The following PDHB variants were observed in gnomAD, a reference collection of about 807,000 sequenced individuals.
The protein encoded by PDHB is pyruvate dehydrogenase E1 component subunit beta, mitochondrial.
Under a neutral mutation model 42.8 loss-of-function variants are expected in PDHB, and 17 were observed. That is an observed-to-expected ratio of 0.40 (90% CI 0.27 to 0.60). The LOEUF (loss-of-function observed/expected upper bound fraction) is 0.60, where lower values mean the gene tolerates loss of function less well. Among genes scored for constraint, PDHB ranks in the 20% least tolerant of loss-of-function variants. The pLI is 0.46. For synonymous variants in PDHB, 154 were observed against 148.7 expected (o/e 1.04, Z -0.26); for missense variants, 322 against 451.3 (o/e 0.71, Z 2.60).
At position 58,433,822 on chromosome 3, in the gene PDHB, C is replaced by A; in HGVS notation, c.-13G>T. The A allele has an allele frequency of 6.2e-7, 1 of 1,608,914 alleles. No individual in the cohort carries two copies. Among genetic ancestry groups the A allele is most frequent in the Non-Finnish European group, 8.5e-7 (1 of 1,178,376 alleles). ...ACACCGCCGCCATCTTGGTCGTGTC[C>A]TCTATCCGCTGCCAAACGACAACAG... On this transcript the variant is annotated 5_prime_UTR_variant, in exon 1 of 10. It adds an upstream start codon to the 5' untranslated region. Transcript: ENST00000302746.
rs1488121736 is a variant in PDHB at position 58,431,915 on chromosome 3, G to A, written c.166C>T (p.Leu56Phe). 5 of 1,613,834 alleles carry A rather than the reference G, an allele frequency of 3.1e-6. No individual in the cohort carries two copies. The South Asian group carries it at 3.3e-5, about 11-fold the overall frequency. The change falls in exon 3 of 10, where the codon CTT (leucine) becomes TTT (phenylalanine). Residue 56 changes from leucine to phenylalanine, a missense_variant. Leu to Phe is a conservative substitution (Grantham distance 22). Around this residue, in one of 3 missense-constraint regions of PDHB, gnomAD observed 56 missense variants for 124.2 expected, o/e 0.45. Coordinates refer to ENST00000302746, the MANE Select transcript of PDHB (RefSeq NM_000925.4). The surrounding 1 kb of genome is among the most constrained non-coding windows in gnomAD (Gnocchi z 4.4). ...ELERDEKVFL[L>F]GEEVAQYDGA... ...TCATACTGGGCAACTTCTTCTCCAA[G>A]CAGAAATACCTTCTCATCTCTTTCC...
In PDHB at chr3:58,433,675, G is replaced by A. The variant is rs534688111; in HGVS notation, c.52C>T (p.Leu18=). ...GTCCAGTGAAAGCGCCTCTTCAGCA[G>A]CCCGGAGACCTGGCAGGGAGAGAGG... ...VRRPLREVSG[L]LKRRFHWTAP... is the part of the protein sequence containing the mutation. Residue 18 remains leucine, a synonymous_variant, in exon 2 of 10, where the codon CTG becomes TTG. Coordinates refer to ENST00000302746, the MANE Select transcript of PDHB (RefSeq NM_000925.4). 5.0e-6 allele frequency: 8 copies of A among 1,612,862 alleles called. No individual in the cohort carries two copies. The East Asian group carries it at 1.6e-4, about 31-fold the overall frequency.
rs1218328674 is a variant in PDHB at position 58,431,263 on chromosome 3, T to G, written c.304-321A>C. On this transcript the variant is annotated intron_variant, in intron 5 of 9. Transcript: ENST00000302746. This position sits in a 1 kb window ranked among gnomAD's most constrained non-coding sequence, Gnocchi z 4.4. ...TTTTAAAAGGTGATGTTAAATCTCT[T>G]TGGGGATGGGCACAGTGGCTCACGC... 23 of 460,024 alleles carry G rather than the reference T, an allele frequency of 5.0e-5. No homozygotes were observed. The East Asian group carries it at 9.9e-4, about 20-fold the overall frequency. 28.5% of individuals were successfully genotyped at this position (460,024 alleles called of 1,614,324 possible).
intron 6 of PDHB, 131 bp from the exon 7 acceptor site, chr3:58,430,369 G>GC: frequency 1.4e-6 from 1 of 702,136 alleles, no homozygotes; most frequent in Non-Finnish European, 2.4e-6. Context: ...ACCATGACCA[G>GC]CAGCCTTGAG....
rs958286735 is a variant in PDHB, at chr3:58,431,418, G to A, written c.303+175C>T. 10 of 634,794 alleles carry A rather than the reference G, an allele frequency of 1.6e-5. No individual in the cohort carries two copies. The highest frequency in any genetic ancestry group is 8.3e-5 in the East Asian group (3 of 36,134). The allele number at this position is 634,794 out of a possible 1,614,324, so 39.3% of individuals were successfully genotyped here. ...ACAAAAATTGGCTAGGCACAGTGGC[G>A]CGACCTGTAACCCCAGCCACTATGG... On this transcript the variant is annotated intron_variant, in intron 5 of 9. Coordinates refer to ENST00000302746, the MANE Select transcript of PDHB (RefSeq NM_000925.4). The surrounding 1 kb of genome is among the most constrained non-coding windows in gnomAD (Gnocchi z 4.4).
In PDHB at chr3:58,430,907, G is replaced by A. The variant is rs966055156; in HGVS notation, c.339C>T (p.Phe113=). ...GGTCAATGGCTTGCATGGAGAAATT[G>A]AAGGTCATAAATTCACAAATGGGCC... The part of the protein sequence containing the change: ...GLRPICEFMT[F]NFSMQAIDQV... Residue 113 remains phenylalanine, a synonymous_variant, in exon 6 of 10, where the codon TTC becomes TTT. Coordinates refer to ENST00000302746, the MANE Select transcript of PDHB (RefSeq NM_000925.4). 6.2e-7 allele frequency: 1 copy of A among 1,614,196 alleles called. No homozygotes were observed. Among genetic ancestry groups the A allele is most frequent in the South Asian group, 1.1e-5 (1 of 91,092 alleles).
rs893694620 is a variant in PDHB at position 58,432,054 on chromosome 3, A to AT, written c.97-71dup. Reference sequence around the variant, plus strand: ...TTCAACTAAGATTTTCTTCCTTTATATTTACCTAGGCTGCCCACAGCATAC... The same window carrying AT: ...TTCAACTAAGATTTTCTTCCTTTATATTTTACCTAGGCTGCCCACAGCATAC... On this transcript the variant is annotated intron_variant, in intron 2 of 9. Transcript: ENST00000302746. 86 of 1,046,770 alleles carry AT rather than the reference A, an allele frequency of 8.2e-5. 1 individual carries two copies. Among genetic ancestry groups the AT allele is most frequent in the Middle Eastern group, 2.0e-4 (1 of 5,048 alleles). The allele number at this position is 1,046,770 out of a possible 1,614,324, so 64.8% of individuals were successfully genotyped here.
At position 58,431,829 on chromosome 3, in the gene PDHB, G is replaced by T. The variant is rs770308835; in HGVS notation, c.205-36C>A. The T allele has an allele frequency of 6.2e-7, 1 of 1,607,342 alleles. No homozygotes were observed. The highest frequency in any genetic ancestry group is 8.5e-7 in the Non-Finnish European group (1 of 1,173,902). On this transcript the variant is annotated intron_variant, in intron 3 of 9. Coordinates refer to ENST00000302746, the MANE Select transcript of PDHB (RefSeq NM_000925.4). The surrounding 1 kb of genome is among the most constrained non-coding windows in gnomAD (Gnocchi z 4.4). ...GAGTTGATCCCTTAAGTGTATCTGG[G>T]GGTAACAGTGACCTCAATTTTGTAT... is the stretch of plus-strand genomic sequence containing the variant.
At chr3:58,428,646 C>T (rs762854351) in intron 8 of PDHB, 32 bp from the exon 9 acceptor site, 1 of 1,590,686 alleles carries the variant, frequency 6.3e-7, no homozygotes, top group African/African-American at 1.3e-5. Context: ...GTTTACAGAG[C>T]TATTGCAGCA....
rs552159384 is a variant in PDHB, at chr3:58,433,649, G to A, written c.78C>T (p.Thr26=). 4 of 1,612,100 alleles carry A rather than the reference G, an allele frequency of 2.5e-6. No individual in the cohort carries two copies. Among genetic ancestry groups the A allele is most frequent in the Admixed American group, 3.3e-5 (2 of 59,856 alleles). ...SGLLKRRFHW[T]APAALQVTVR... ...CTGTTACCTGCAGCGCAGCCGGCGC[G>A]GTCCAGTGAAAGCGCCTCTTCAGCA... The change falls in exon 2 of 10, where the codon ACC becomes ACT. Residue 26 remains threonine (T), a synonymous_variant. Transcript: ENST00000302746.
intron 2 of PDHB, chr3:58,433,090 G>C (rs1190983295): frequency 5.7e-6 from 1 of 174,558 alleles, no homozygotes; most frequent in Non-Finnish European, 1.2e-5. Flanking sequence ...ACATTACGCT[G>C]AGATAAGCCA....
At position 58,431,118 on chromosome 3, in the gene PDHB, A is replaced by C; in HGVS notation, c.304-176T>G. 40 of 663,806 alleles carry C rather than the reference A, an allele frequency of 6.0e-5. No individual in the cohort carries two copies. The highest frequency in any genetic ancestry group is 6.6e-5 in the Non-Finnish European group (25 of 379,432). 41.1% of individuals were successfully genotyped at this position (663,806 alleles called of 1,614,324 possible). A position where few individuals can be genotyped will look rare whatever the true frequency, so the allele number is the denominator to read the frequency against. Reference sequence around the variant, plus strand: ...AGTGCAGTGGCACACATCATAGCTCACTGCAGCCTCTAACTCCTAGGCTCA... The same window carrying C: ...AGTGCAGTGGCACACATCATAGCTCCCTGCAGCCTCTAACTCCTAGGCTCA... On this transcript the variant is annotated intron_variant, in intron 5 of 9. Coordinates refer to ENST00000302746, the MANE Select transcript of PDHB (RefSeq NM_000925.4). The surrounding 1 kb of genome is among the most constrained non-coding windows in gnomAD (Gnocchi z 4.4).
In PDHB at chr3:58,432,080, A is replaced by C. The variant is rs2062925487; in HGVS notation, c.97-96T>G. 5 of 816,256 alleles carry C rather than the reference A, an allele frequency of 6.1e-6. No homozygotes were observed. In the South Asian group the frequency reaches 7.0e-5, roughly 11 times the overall value. 50.6% of individuals were successfully genotyped at this position (816,256 alleles called of 1,614,324 possible). A position where few individuals can be genotyped will look rare whatever the true frequency, so the allele number is the denominator to read the frequency against. On this transcript the variant is annotated intron_variant, in intron 2 of 9. Coordinates refer to ENST00000302746, the MANE Select transcript of PDHB (RefSeq NM_000925.4). The stretch of plus-strand genomic sequence containing the variant: ...TTTACCTAGGCTGCCCACAGCATAC[A>C]ATATAAAAACACTAGAACAAGCTTC...
Position 58,431,225 on chromosome 3 carries a change from TC to T in PDHB, c.304-284del. The stretch of plus-strand genomic sequence containing the variant: ...CTACCTACTTGGTATTTTTTTTTTT[TC>T]CCAAATGATGTTTTTAAAAGGTGAT... On this transcript the variant is annotated intron_variant, in intron 5 of 9. Transcript: ENST00000302746. The surrounding 1 kb of genome is among the most constrained non-coding windows in gnomAD (Gnocchi z 4.4). 2 of 480,572 alleles carry T rather than the reference TC, an allele frequency of 4.2e-6. No homozygotes were observed. The highest frequency in any genetic ancestry group is 7.5e-6 in the Non-Finnish European group (2 of 265,476). 29.8% of individuals were successfully genotyped at this position (480,572 alleles called of 1,614,324 possible).
intron 7 of PDHB, 109 bp downstream of exon 7, chr3:58,430,019 C>A: frequency 1.3e-6 from 1 of 762,192 alleles, no homozygotes; most frequent in Non-Finnish European, 2.3e-6. Context: ...ATCTTGAGCT[C>A]ATCCTATAAT....
Position 58,430,906 on chromosome 3 carries a change from T to C in PDHB, c.340A>G (p.Asn114Asp), listed in dbSNP as rs1462179549. 6.2e-7 allele frequency: 1 copy of C among 1,614,140 alleles called. No homozygotes were observed. Among genetic ancestry groups the C allele is most frequent in the Non-Finnish European group, 8.5e-7 (1 of 1,180,018 alleles). Residue 114 changes from asparagine to aspartate, a missense_variant, in exon 6 of 10, where the codon AAT becomes GAT. Physicochemically the swap from Asn to Asp is conservative, Grantham distance 23. Transcript: ENST00000302746. ...TGGTCAATGGCTTGCATGGAGAAAT[T>C]GAAGGTCATAAATTCACAAATGGGC... Reference protein sequence around the residue: ...LRPICEFMTFNFSMQAIDQVI... With the variant: ...LRPICEFMTFDFSMQAIDQVI...
At chr3:58,433,609 G>T in intron 2 of PDHB, 22 bp downstream of exon 2, 1 of 1,604,308 alleles carries the variant, frequency 6.2e-7, no homozygotes. Context: ...GCCCTCGTCC[G>T]ACGAGCACCC....
At chr3:58,428,206 G>C in intron 9 of PDHB, 27 bp from the exon 10 acceptor site, 4 of 1,611,430 alleles carry the variant, frequency 2.5e-6, no homozygotes, top group African/African-American at 1.3e-5. Flanking sequence ...TCAACTGAGA[G>C]AGTGCAAATG....
Position 58,430,154 on chromosome 3 carries a change from A to G in PDHB, c.674T>C (p.Ile225Thr), listed in dbSNP as rs1349677527. Residue 225 changes from isoleucine (I) to threonine (T), a missense_variant, in exon 7 of 10, where the codon ATT becomes ACT. Transcript: ENST00000302746. ...EAQSKDFLIP[I>T]GKAKIERQGT... ...TTGCCTTTCTATTTTGGCTTTTCCA[A>G]TAGGAATCAGAAAATCTTTTGACTG... is the stretch of plus-strand genomic sequence containing the variant. 1.9e-6 allele frequency: 3 copies of G among 1,610,420 alleles called. No homozygotes were observed. The highest frequency in any genetic ancestry group is 2.2e-5 in the East Asian group (1 of 44,878).
Sources: allele counts gnomAD v4.1 joint callset, GRCh38; gene constraint gnomAD v4.1.1; regional missense constraint gnomAD v4.1.1; non-coding constraint Gnocchi (gnomAD v3.1); transcripts MANE v1.5; gene names NCBI Gene and HGNC (gene_info 2026-07-23, HGNC 2026-07-21).